Variants in MTUS1 observed in about 807,000 individuals in gnomAD.
MTUS1 encodes microtubule associated scaffold protein 1.
A neutral mutation model predicts 120.8 loss-of-function variants in MTUS1; 109 were observed. The observed-to-expected ratio is 0.90, with a 90% confidence interval of 0.77 to 1.06. MTUS1 has a LOEUF of 1.06. Among genes scored for constraint, MTUS1 ranks in the 50% least tolerant of loss-of-function variants. The probability of loss-of-function intolerance (pLI) is 0.00; values close to 1 mark genes in which losing one functional copy is unlikely to be tolerated. For synonymous variants in MTUS1, 737 were observed against 550.5 expected (o/e 1.34, Z -4.74); for missense variants, 2,210 against 1,486.3 (o/e 1.49, Z -8.01).
intron 8 of MTUS1, among the ~76,000 whole-genome samples, chr8:17,659,990 T>A (rs1195307899): frequency 6.6e-6 from 1 of 152,208 alleles, no homozygotes; most frequent in African/African-American, 2.4e-5. Context: ...TGTCCTGTTG[T>A]GACTGTTTAT....
At chr8:17,759,116 C>T (rs547128801) in intron 1 of MTUS1, among the ~76,000 whole-genome samples, 66 of 151,586 alleles carry the variant, frequency 4.4e-4, no homozygotes, top group African/African-American at 1.5e-3. Context: ...CTCCTGACCT[C>T]GTGATCCGCC....
chr8:17,743,644 T>C lies in MTUS1; in HGVS notation c.2247A>G (p.Arg749=), dbSNP rs1451068884. 6.2e-7 allele frequency: 1 copy of C among 1,614,042 alleles called. No homozygotes were observed. The highest frequency in any genetic ancestry group is 2.2e-5 in the East Asian group (1 of 44,904). Residue 749 remains arginine (R), a synonymous_variant, in exon 3 of 15, where the codon CGA becomes CGG. Transcript: ENST00000693296. ...NSDNRNPSAD[R]AVSPQRIRRV... Reference sequence around the variant, plus strand: ...GCCTGATCCTCTGAGGAGATACGGCTCGATCAGCACTGGGATTTCTATTGT... The same window carrying C: ...GCCTGATCCTCTGAGGAGATACGGCCCGATCAGCACTGGGATTTCTATTGT...
chr8:17,787,237 T>C (rs2131560360), intron 1 of MTUS1, among the ~76,000 whole-genome samples: 1 of 152,262 alleles, frequency 6.6e-6, no homozygotes, highest in Admixed American at 6.5e-5. Flanking sequence ...TGGGTAAAGA[T>C]AACGACATCA....
In MTUS1 at chr8:17,754,608, C is replaced by A. The variant is rs184944081; in HGVS notation, c.1200G>T (p.Pro400=). ...ATGACGAGCCCACCTTTTGTCCTGG[C>A]GGGCTACTTAGAATCAATTCTGAGG... ...NHTSELILSS[P]PGQKVGSSFG... Residue 400 remains proline (P), a synonymous_variant, in exon 2 of 15, where the codon CCG becomes CCT. Coordinates refer to ENST00000693296, the MANE Select transcript of MTUS1 (RefSeq NM_001363059.2). The A allele has an allele frequency of 1.2e-5, 20 of 1,614,152 alleles. No homozygotes were observed. The highest frequency in any genetic ancestry group is 2.2e-5 in the East Asian group (1 of 44,876).
intron 7 of MTUS1, chr8:17,676,375 A>G: frequency 1.4e-6 from 1 of 702,462 alleles, no homozygotes; most frequent in Non-Finnish European, 2.6e-6. Context: ...GCACTGTGCA[A>G]GAAGCATACA....
intron 6 of MTUS1, among the ~76,000 whole-genome samples, chr8:17,686,437 T>A (rs188635728): frequency 6.6e-6 from 1 of 152,248 alleles, no homozygotes; most frequent in Non-Finnish European, 1.5e-5. Flanking sequence ...TAAACAAAAA[T>A]GTTCAAATTC....
chr8:17,721,784 A>G, intron 4 of MTUS1: 1 of 1,614,206 alleles, frequency 6.2e-7, no homozygotes, highest in Non-Finnish European at 8.5e-7. Context: ...AGCAGTGTCA[A>G]TAAGGTAGCA....
At chr8:17,659,238 G>A (rs547641693) in intron 8 of MTUS1, among the ~76,000 whole-genome samples, 7 of 152,266 alleles carry the variant, frequency 4.6e-5, no homozygotes, top group East Asian at 3.9e-4. Flanking sequence ...CTGGCAAGGC[G>A]CATGATGGGG....
chr8:17,662,958 T>A (rs1055707877), intron 8 of MTUS1, among the ~76,000 whole-genome samples: 3 of 152,042 alleles, frequency 2.0e-5, no homozygotes, highest in Admixed American at 6.6e-5. Context: ...TAAGGCCACA[T>A]TGAGATTAGA....
At position 17,723,718 on chromosome 8, in the gene MTUS1, G is replaced by C; in HGVS notation, c.2403C>G (p.Pro801=). ...GCTCACTGTGGGTGCTGGCTATTGA[G>C]GGGGTGCTTCCTGTCCTCCGCAGCG... ...SPALRRTGST[P]SIASTHSELS... The change falls in exon 4 of 15, where the codon CCC becomes CCG. Residue 801 remains proline (P), a synonymous_variant. Transcript: ENST00000693296. 3 of 1,611,042 alleles carry C rather than the reference G, an allele frequency of 1.9e-6. No individual in the cohort carries two copies. Among genetic ancestry groups the C allele is most frequent in the Admixed American group, 1.7e-5 (1 of 59,886 alleles).
intron 2 of MTUS1, among the ~76,000 whole-genome samples, chr8:17,753,077 A>G (rs991102999): frequency 1.3e-5 from 2 of 152,210 alleles, no homozygotes; most frequent in East Asian, 3.8e-4. Context: ...TTCACTATAC[A>G]TAAGTAAAAG....
intron 2 of MTUS1, among the ~76,000 whole-genome samples, chr8:17,750,135 C>G (rs1400094027): frequency 1.3e-5 from 2 of 152,206 alleles, no homozygotes; most frequent in Non-Finnish European, 2.9e-5. Context: ...GATAGATACA[C>G]ATAAAGCCCA....
Position 17,754,160 on chromosome 8 carries a change from G to C in MTUS1, c.1648C>G (p.Gln550Glu). ...CTCGGTGTTCTGCTCAAGACTGTTTGTTGTCTTGAATTCACTGATGAGGGT... is the reference window on the plus strand; with the variant it reads ...CTCGGTGTTCTGCTCAAGACTGTTTCTTGTCTTGAATTCACTGATGAGGGT... Reference protein sequence around the residue: ...SSPSSVNSRQQTVLSRTPRSD... With the variant: ...SSPSSVNSRQETVLSRTPRSD... The change falls in exon 2 of 15, where the codon CAA (glutamine) becomes GAA (glutamate). Residue 550 changes from glutamine to glutamate, a missense_variant. Coordinates refer to ENST00000693296, the MANE Select transcript of MTUS1 (RefSeq NM_001363059.2). 1 of 1,613,568 alleles carries C rather than the reference G, an allele frequency of 6.2e-7. No individual in the cohort carries two copies. The highest frequency in any genetic ancestry group is 8.5e-7 in the Non-Finnish European group (1 of 1,179,932).
chr8:17,743,814 G>C lies in MTUS1; in HGVS notation c.2092-15C>G. Reference sequence around the variant, plus strand: ...GAAGCAGAGCCCTGTGAAAATAACAGTTAAGACTGTAAACCAAAACTAAAA... The same window carrying C: ...GAAGCAGAGCCCTGTGAAAATAACACTTAAGACTGTAAACCAAAACTAAAA... On this transcript the variant is annotated splice_polypyrimidine_tract_variant and intron_variant, in intron 2 of 14. Coordinates refer to ENST00000693296, the MANE Select transcript of MTUS1 (RefSeq NM_001363059.2). 6.2e-7 allele frequency: 1 copy of C among 1,606,986 alleles called. No homozygotes were observed. Among genetic ancestry groups the C allele is most frequent in the Non-Finnish European group, 8.5e-7 (1 of 1,175,794 alleles).
intron 6 of MTUS1, among the ~76,000 whole-genome samples, chr8:17,694,460 G>C (rs770808332): frequency 2.6e-5 from 4 of 152,154 alleles, no homozygotes; most frequent in Non-Finnish European, 5.9e-5. Context: ...GAGGTCAGGA[G>C]TTCCAGACCA....
At chr8:17,749,659 C>CA (rs768210060) in intron 2 of MTUS1, among the ~76,000 whole-genome samples, 4,690 of 76,040 alleles carry the variant, frequency 0.062, 126 homozygotes, top group African/African-American at 0.12. Flanking sequence ...GAATCTGTCT[C>CA]AAAAAAAAAA....
chr8:17,654,735 A>T, intron 9 of MTUS1, 69 bp from the exon 10 acceptor site: 1 of 1,097,940 alleles, frequency 9.1e-7, no homozygotes, highest in Non-Finnish European at 1.4e-6. Flanking sequence ...ACGCAAAGCA[A>T]CCACATTAGG....
intron 2 of MTUS1, among the ~76,000 whole-genome samples, chr8:17,752,732 GCTGT>G (rs1431070795): frequency 1.3e-5 from 2 of 152,040 alleles, no homozygotes; most frequent in African/African-American, 2.4e-5. Flanking sequence ...CAAGGGACAG[GCTGT>G]CTGTGTCACA....
chr8:17,798,058 A>G (rs969108850), intron 1 of MTUS1, among the ~76,000 whole-genome samples: 3 of 152,222 alleles, frequency 2.0e-5, no homozygotes, highest in Non-Finnish European at 2.9e-5. Context: ...AATGACTATA[A>G]AAAGAAGAAT....
Sources: gnomAD v4.1 joint callset for allele counts (sites outside exome capture counted in the v4.1 genomes callset) on GRCh38, gnomAD v4.1.1 for gene constraint, MANE v1.5 for transcripts, NCBI Gene and HGNC (gene_info 2026-07-23, HGNC 2026-07-21) for gene names.